The following GNAZ variants were observed in gnomAD, a reference collection of about 807,000 sequenced individuals.
The protein encoded by GNAZ is G protein subunit alpha z.
GNAZ carries 3 observed loss-of-function variants against 25.4 expected under a neutral mutation model. The ratio of observed to expected loss-of-function variants is 0.12; its 90% CI spans 0.05 to 0.30. The LOEUF is 0.30. GNAZ is among the 10% of genes least tolerant of loss of function. The pLI, the probability that GNAZ is intolerant of heterozygous loss-of-function variation, is 1.00. For missense variants in GNAZ, 241 were observed against 501.8 expected, an observed-to-expected ratio of 0.48 and a Z score of 4.97; for synonymous variants, 211 against 205.7, an observed-to-expected ratio of 1.03 and a Z score of -0.22.
At chr22:23,099,027 T>G (rs999123425) in intron 2 of GNAZ, among the ~76,000 whole-genome samples, 7 of 152,262 alleles carry the variant, frequency 4.6e-5, no homozygotes, top group African/African-American at 1.7e-4. Context: ...TGGGGCCCAG[T>G]GCCAGGGCTC....
rs144080781 is a variant in GNAZ, at chr22:23,094,180, G to T, written c.-449-1067G>T. ...ATGCTGCCTGTGGCAGGATGGGGAGGCTGCGTGGGTCTCCGGACAGGGACA... is the reference window on the plus strand; with the variant it reads ...ATGCTGCCTGTGGCAGGATGGGGAGTCTGCGTGGGTCTCCGGACAGGGACA... On this transcript the variant is annotated intron_variant, in intron 1 of 2. Transcript: ENST00000615612. Among the ~76,000 whole-genome samples, 570 of 152,256 alleles carry T rather than the reference G, an allele frequency of 3.7e-3. 12 individuals are homozygous for T. Among genetic ancestry groups the T allele is most frequent in the African/African-American group, 0.013 (535 of 41,542 alleles).
chr22:23,121,510 C>A (rs1230312078), intron 2 of GNAZ, among the ~76,000 whole-genome samples: 1 of 152,180 alleles, frequency 6.6e-6, no homozygotes, highest in Non-Finnish European at 1.5e-5. Flanking sequence ...ACATATCCTG[C>A]CTCTCTGTGC....
chr22:23,097,358 G>A (rs1396751045), intron 2 of GNAZ, among the ~76,000 whole-genome samples: 3 of 152,198 alleles, frequency 2.0e-5, no homozygotes, highest in Admixed American at 1.3e-4. Context: ...AGCAACAATG[G>A]TTCTAGCTTT....
intron 1 of GNAZ, among the ~76,000 whole-genome samples, chr22:23,076,631 G>A (rs370751396): frequency 5.9e-5 from 9 of 152,240 alleles, no homozygotes; most frequent in African/African-American, 2.2e-4. Flanking sequence ...TCGGGCTGAC[G>A]CCGGGCCACT....
intron 2 of GNAZ, among the ~76,000 whole-genome samples, chr22:23,114,297 A>G (rs2069752894): frequency 6.6e-6 from 1 of 152,222 alleles, no homozygotes; most frequent in Non-Finnish European, 1.5e-5. Flanking sequence ...GCTTTTCTAC[A>G]GTGGGCTGAC....
intron 1 of GNAZ, among the ~76,000 whole-genome samples, chr22:23,077,845 C>A (rs1569161335): frequency 6.6e-6 from 1 of 152,170 alleles, no homozygotes; most frequent in East Asian, 1.9e-4. Flanking sequence ...AGGCCCTGAC[C>A]CCCTGTGAAC....
chr22:23,121,760 C>T (rs1051048421), intron 2 of GNAZ, among the ~76,000 whole-genome samples: 31 of 148,926 alleles, frequency 2.1e-4, no homozygotes, highest in African/African-American at 7.7e-4. Flanking sequence ...CTCGCTGCGT[C>T]GCCCAGACTG....
chr22:23,097,475 G>A (rs2069159605), intron 2 of GNAZ, among the ~76,000 whole-genome samples: 1 of 152,232 alleles, frequency 6.6e-6, no homozygotes, highest in Non-Finnish European at 1.5e-5. Flanking sequence ...TCAGGCAGCT[G>A]GGGAGGCGGG....
chr22:23,081,896 C>T (rs1482861647), intron 1 of GNAZ, among the ~76,000 whole-genome samples: 11 of 148,902 alleles, frequency 7.4e-5, no homozygotes, highest in East Asian at 4.0e-4. Flanking sequence ...GGGGCCGAGG[C>T]GGGCGGATCA....
chr22:23,091,619 C>T (rs2068981640), intron 1 of GNAZ, among the ~76,000 whole-genome samples: 1 of 148,826 alleles, frequency 6.7e-6, no homozygotes, highest in Admixed American at 6.7e-5. Flanking sequence ...CACGCATATG[C>T]ACCGCAATGG....
chr22:23,107,264 C>A (rs1037094471), intron 2 of GNAZ, among the ~76,000 whole-genome samples: 1 of 152,162 alleles, frequency 6.6e-6, no homozygotes, highest in African/African-American at 2.4e-5. Context: ...CCTGCCCTGG[C>A]CCCCATCCCA....
At chr22:23,073,116 C>CAGA (rs1352724455) in intron 1 of GNAZ, among the ~76,000 whole-genome samples, 2 of 152,256 alleles carry the variant, frequency 1.3e-5, no homozygotes, top group Admixed American at 6.5e-5. Context: ...ACGCTAGCCT[C>CAGA]AGAATACTTA....
intron 2 of GNAZ, among the ~76,000 whole-genome samples, chr22:23,103,901 G>A (rs151159758): frequency 1.2e-4 from 19 of 152,324 alleles, no homozygotes; most frequent in South Asian, 4.1e-4. Flanking sequence ...AATGCTGGCC[G>A]CATGCTCTCT....
chr22:23,123,524 A>G lies in GNAZ; in HGVS notation c.*93A>G, dbSNP rs2070091071. On this transcript the variant is annotated 3_prime_UTR_variant, in exon 3 of 3. Coordinates refer to ENST00000615612, the MANE Select transcript of GNAZ (RefSeq NM_002073.4). ...GAGAGGCCCAATCCAGGGGCAGAAA[A>G]CAGGGGGCCTAAAGAATGTCCCCCA... The G allele has an allele frequency of 8.0e-6, 6 of 748,554 alleles. No homozygotes were observed. The East Asian group carries it at 1.3e-4, about 17-fold the overall frequency. 46.4% of individuals were successfully genotyped at this position (748,554 alleles called of 1,614,324 possible). A position where few individuals can be genotyped will look rare whatever the true frequency, so the allele number is the denominator to read the frequency against.
At chr22:23,098,209 G>A (rs1288960625) in intron 2 of GNAZ, among the ~76,000 whole-genome samples, 2 of 152,234 alleles carry the variant, frequency 1.3e-5, no homozygotes, top group East Asian at 3.9e-4. Flanking sequence ...TTTTGCTCCA[G>A]CAGTACTGCT....
intron 1 of GNAZ, among the ~76,000 whole-genome samples, chr22:23,080,621 T>G (rs1237086296): frequency 6.6e-6 from 1 of 151,728 alleles, no homozygotes; most frequent in African/African-American, 2.4e-5. Flanking sequence ...GTGGGGAGAG[T>G]GTAGAGAAGC....
intron 2 of GNAZ, among the ~76,000 whole-genome samples, chr22:23,117,002 C>A (rs776286568): frequency 6.6e-6 from 1 of 152,156 alleles, no homozygotes; most frequent in South Asian, 2.1e-4. Flanking sequence ...CTGGAATATG[C>A]GCGCACCTGC....
At chr22:23,111,456 C>T (rs2069656828) in intron 2 of GNAZ, among the ~76,000 whole-genome samples, 1 of 152,216 alleles carries the variant, frequency 6.6e-6, no homozygotes, top group African/African-American at 2.4e-5. Flanking sequence ...GTGTTGGGGC[C>T]TCTGGAAACG....
intron 2 of GNAZ, among the ~76,000 whole-genome samples, chr22:23,112,874 G>A (rs2069693308): frequency 6.6e-6 from 1 of 152,186 alleles, no homozygotes; most frequent in African/African-American, 2.4e-5. Context: ...GCCTGGTCTG[G>A]GGACCCCACA....
Sources: gnomAD v4.1 joint callset for allele counts (sites outside exome capture counted in the v4.1 genomes callset) on GRCh38, gnomAD v4.1.1 for gene constraint, MANE v1.5 for transcripts, NCBI Gene and HGNC (gene_info 2026-07-23, HGNC 2026-07-21) for gene names.